The following NUDT8 variants were observed in gnomAD, a reference collection of about 807,000 sequenced individuals.
NUDT8 encodes the protein mitochondrial coenzyme A diphosphatase NUDT8.
NUDT8 carries 14 observed loss-of-function variants against 12.5 expected under a neutral mutation model. The ratio of observed to expected loss-of-function variants is 1.12; its 90% confidence interval spans 0.74 to 1.75. The LOEUF (loss-of-function observed/expected upper bound fraction) is 1.75. NUDT8 is among the 40% of genes most tolerant of loss of function. The pLI is 0.00. For missense variants in NUDT8, 337 were observed against 318.5 expected (o/e 1.06, Z -0.44); for synonymous variants, 163 against 156.2 (o/e 1.04, Z -0.33).
rs1449169293 is a variant in NUDT8 at position 67,628,393 on chromosome 11, G to A, written c.335C>T (p.Ala112Val). ...ACCAGCAAGCACTGGCACCACGGTG[G>A]CCTTTTGCTGGGGAAGAGGGCAGGT... is the stretch of plus-strand genomic sequence containing the variant. ...LLRPVYDPQK[A>V]TVVPVLAGVG... is the part of the protein sequence containing the mutation. Residue 112 changes from alanine to valine, a missense_variant, in exon 3 of 4, where the codon GCC becomes GTC. Coordinates refer to ENST00000376693, the MANE Select transcript of NUDT8 (RefSeq NM_001243750.2). 1.9e-6 allele frequency: 3 copies of A among 1,613,476 alleles called. No individual in the cohort carries two copies. Among genetic ancestry groups the A allele is most frequent in the Non-Finnish European group, 2.5e-6 (3 of 1,179,896 alleles).
rs745808278 is a variant in NUDT8, at chr11:67,628,177, C to G, written c.480G>C (p.Arg160=). The G allele has an allele frequency of 6.2e-7, 1 of 1,607,458 alleles. No homozygotes were observed. Among genetic ancestry groups the G allele is most frequent in the South Asian group, 1.1e-5 (1 of 91,086 alleles). Reference sequence around the variant, plus strand: ...GTAGTGTGTAGCGGAAGTGGCCACCCCGGCAGAAGTGGGTATAGCCCTGAT... The same window carrying G: ...GTAGTGTGTAGCGGAAGTGGCCACCGCGGCAGAAGTGGGTATAGCCCTGAT... ...TQNQGYTHFC[R]GGHFRYTLPV... is the part of the protein sequence containing the mutation. The change falls in exon 4 of 4, where the codon CGG becomes CGC. Residue 160 remains arginine (R), a synonymous_variant. Transcript: ENST00000376693.
chr11:67,629,860 G>A lies in NUDT8; in HGVS notation c.52C>T (p.Leu18=). ...AEGELRCRRL[L]AGATARLRAR... ...CGGAGCCGGGCCGTGGCCCCTGCCA[G>A]CAGCCGGCGGCAGCGCAGCTCGCCC... is the stretch of plus-strand genomic sequence containing the variant. Residue 18 remains leucine (L), a synonymous_variant, in exon 1 of 4, where the codon CTG becomes TTG. Transcript: ENST00000376693. The A allele has an allele frequency of 1.6e-6, 2 of 1,255,008 alleles. No homozygotes were observed. The allele number at this position is 1,255,008 out of a possible 1,614,324, so 77.7% of individuals were successfully genotyped here.
chr11:67,629,091 G>C, intron 1 of NUDT8, 40 bp from the exon 2 acceptor site: 1 of 1,569,564 alleles, frequency 6.4e-7, no homozygotes, highest in Non-Finnish European at 8.7e-7. Flanking sequence ...GACTCTTGGG[G>C]CCACGGAGAG....
intron 1 of NUDT8, 128 bp downstream of exon 1, chr11:67,629,590 C>T (rs1933286578): frequency 2.2e-6 from 1 of 454,374 alleles, no homozygotes; most frequent in South Asian, 5.3e-5. Context: ...CGGAGGGACT[C>T]TCCCCAGACC....
In NUDT8 at chr11:67,629,490, G is replaced by A. The variant is rs192128332; in HGVS notation, c.194+228C>T. 3.6e-4 allele frequency: 145 copies of A among 406,824 alleles called. 1 individual carries two copies. Among genetic ancestry groups the A allele is most frequent in the African/African-American group, 2.1e-3 (101 of 48,316 alleles). The allele number at this position is 406,824 out of a possible 1,614,324, so 25.2% of individuals were successfully genotyped here. A position where few individuals can be genotyped will look rare whatever the true frequency, so the allele number is the denominator to read the frequency against. On this transcript the variant is annotated intron_variant, in intron 1 of 3. Coordinates refer to ENST00000376693, the MANE Select transcript of NUDT8 (RefSeq NM_001243750.2). ...CAGGCGTGCGCGCAAGGACGCGTAC[G>A]AGGGGCCCACGCGGCGAGGACGTGG...
At chr11:67,628,453 G>T (rs952793053) in intron 2 of NUDT8, 53 bp from the exon 3 acceptor site, 2 of 1,506,424 alleles carry the variant, frequency 1.3e-6, no homozygotes, top group Admixed American at 1.7e-5. Context: ...GGGTTTGAAG[G>T]CTGGGGAGGG....
intron 1 of NUDT8, 22 bp from the exon 2 acceptor site, chr11:67,629,073 G>A (rs1446953369): frequency 1.9e-6 from 3 of 1,597,482 alleles, no homozygotes; most frequent in Non-Finnish European, 2.6e-6. Flanking sequence ...CAAGGAGTCT[G>A]GTCCTTGGAC....
At chr11:67,629,261 C>T (rs528379981) in intron 1 of NUDT8, 1 of 551,626 alleles carries the variant, frequency 1.8e-6, no homozygotes, top group Non-Finnish European at 3.2e-6. Flanking sequence ...CGGGACAGCG[C>T]AGGATAAGAG....
chr11:67,628,544 A>G, intron 2 of NUDT8, 144 bp from the exon 3 acceptor site: 1 of 698,278 alleles, frequency 1.4e-6, no homozygotes. Context: ...TCCTCCAGCC[A>G]TGCTGACTGA....
intron 1 of NUDT8, 47 bp downstream of exon 1, chr11:67,629,671 G>A (rs768674221): frequency 1.7e-6 from 2 of 1,206,450 alleles, no homozygotes; most frequent in East Asian, 3.1e-5. Flanking sequence ...CCAGCCCCGG[G>A]CTCCTGTAGC....
Position 67,627,995 on chromosome 11 carries a change from G to T in NUDT8, c.662C>A (p.Ala221Asp). The T allele has an allele frequency of 6.3e-7, 1 of 1,597,466 alleles. No homozygotes were observed. Among genetic ancestry groups the T allele is most frequent in the Non-Finnish European group, 8.5e-7 (1 of 1,179,206 alleles). The change falls in exon 4 of 4, where the codon GCT becomes GAT. Residue 221 changes from alanine (A) to aspartate (D), a missense_variant. By Grantham distance (126) the Ala-to-Asp change is moderately radical. Coordinates refer to ENST00000376693, the MANE Select transcript of NUDT8 (RefSeq NM_001243750.2). Reference protein sequence around the residue: ...EGLARPKQPLASPCQASSTPG... With the variant: ...EGLARPKQPLDSPCQASSTPG... ...AGTGGAGCTGGCCTGACAGGGTGAAGCCAGGGGCTGCTTAGGGCGGGCCAG... is the reference window on the plus strand; with the variant it reads ...AGTGGAGCTGGCCTGACAGGGTGAATCCAGGGGCTGCTTAGGGCGGGCCAG...
At chr11:67,628,439 C>G in intron 2 of NUDT8, 39 bp from the exon 3 acceptor site, 2 of 1,579,872 alleles carry the variant, frequency 1.3e-6, no homozygotes, top group Admixed American at 3.4e-5. Context: ...GCATGGCCTT[C>G]GCTGGGTTTG....
At position 67,628,395 on chromosome 11, in the gene NUDT8, C is replaced by T. The variant is rs749826412; in HGVS notation, c.333G>A (p.Lys111=). ...CAGCAAGCACTGGCACCACGGTGGC[C>T]TTTTGCTGGGGAAGAGGGCAGGTGG... ...GLLRPVYDPQ[K]ATVVPVLAGV... is the part of the protein sequence containing the mutation. Residue 111 remains lysine, a synonymous_variant, in exon 3 of 4, where the codon AAG becomes AAA. Transcript: ENST00000376693. The T allele has an allele frequency of 9.9e-6, 16 of 1,613,438 alleles. No homozygotes were observed. Among genetic ancestry groups the T allele is most frequent in the Non-Finnish European group, 1.4e-5 (16 of 1,179,892 alleles).
chr11:67,628,487 GC>G, intron 2 of NUDT8, 87 bp from the exon 3 acceptor site: 4 of 1,115,708 alleles, frequency 3.6e-6, no homozygotes, highest in Non-Finnish European at 5.3e-6. Flanking sequence ...AGACCCCTTT[GC>G]CATGCATAGG....
At chr11:67,628,461 G>A in intron 2 of NUDT8, 61 bp from the exon 3 acceptor site, 1 of 1,463,802 alleles carries the variant, frequency 6.8e-7, no homozygotes, top group Non-Finnish European at 9.5e-7. Context: ...AGGCTGGGGA[G>A]GGGAGTGTGA....
At chr11:67,629,075 T>C in intron 1 of NUDT8, 24 bp from the exon 2 acceptor site, 1 of 1,591,248 alleles carries the variant, frequency 6.3e-7, no homozygotes, top group Non-Finnish European at 8.6e-7. Context: ...AGGAGTCTGG[T>C]CCTTGGACTC....
chr11:67,628,465 AGT>A, intron 2 of NUDT8, 65 bp from the exon 3 acceptor site: 1 of 1,409,442 alleles, frequency 7.1e-7, no homozygotes, highest in Non-Finnish European at 9.9e-7. Context: ...TGGGGAGGGG[AGT>A]GTGAGAGGAA....
At chr11:67,628,865 G>A (rs1855157180) in intron 2 of NUDT8, 54 bp downstream of exon 2, 1 of 1,561,380 alleles carries the variant, frequency 6.4e-7, no homozygotes, top group East Asian at 2.3e-5. Flanking sequence ...CCCAGCTCCA[G>A]GGCAGGCACA....
chr11:67,628,104 T>C lies in NUDT8; in HGVS notation c.553A>G (p.Ile185Val). The change falls in exon 4 of 4, where the codon ATC (isoleucine) becomes GTC (valine). Residue 185 changes from isoleucine to valine, a missense_variant. Transcript: ENST00000376693. ...AGCAGCTGCAGGGCAAACTCAGTGATGACAGCTGTGAGGCCCCAGACCCGG... is the reference window on the plus strand; with the variant it reads ...AGCAGCTGCAGGGCAAACTCAGTGACGACAGCTGTGAGGCCCCAGACCCGG... ...PHRVWGLTAV[I>V]TEFALQLLAP... The C allele has an allele frequency of 6.3e-7, 1 of 1,598,594 alleles. No individual in the cohort carries two copies. The highest frequency in any genetic ancestry group is 8.5e-7 in the Non-Finnish European group (1 of 1,179,798).
Sources: allele counts gnomAD v4.1 joint callset, GRCh38; gene constraint gnomAD v4.1.1; transcripts MANE v1.5; gene names NCBI Gene and HGNC (gene_info 2026-07-23, HGNC 2026-07-21).